The following C1orf21 variants were observed in gnomAD, a reference collection of about 807,000 sequenced individuals.
C1orf21 encodes the protein chromosome 1 open reading frame 21.
C1orf21 carries 3 observed loss-of-function variants against 18.7 expected under a neutral mutation model. The observed-to-expected ratio is 0.16, with a 90% CI of 0.07 to 0.42. The LOEUF is 0.42. C1orf21 is among the 10% of genes least tolerant of loss of function. C1orf21 has a pLI of 0.99. For missense variants in C1orf21, 104 were observed against 143.6 expected, an observed-to-expected ratio of 0.72 and a Z score of 1.41; for synonymous variants, 41 against 46.4, an observed-to-expected ratio of 0.88 and a Z score of 0.47.
At position 184,460,617 on chromosome 1, in the gene C1orf21, G is replaced by T. The variant is rs866726283; in HGVS notation, c.-124-16769G>T. On this transcript the variant is annotated intron_variant, in intron 1 of 5. Transcript: ENST00000235307. ...GAGTTGGGCTGTTAGTATTGTCGTC[G>T]TCGTCTTCTTCTTCTTCTTCTTCTT... Among the ~76,000 whole-genome samples, 264 of 116,494 alleles carry T rather than the reference G, an allele frequency of 2.3e-3. 1 individual carries two copies. Among genetic ancestry groups the T allele is most frequent in the African/African-American group, 8.8e-3 (246 of 27,898 alleles). 76.4% of individuals were successfully genotyped at this position (116,494 alleles called of 152,430 possible). A position where few individuals can be genotyped will look rare whatever the true frequency, so the allele number is the denominator to read the frequency against.
intron 3 of C1orf21, among the ~76,000 whole-genome samples, chr1:184,557,128 C>T (rs1477938336): frequency 6.6e-6 from 1 of 152,164 alleles, no homozygotes; most frequent in Admixed American, 6.5e-5. Flanking sequence ...GAATTTTCCA[C>T]GTATATGTCT....
intron 1 of C1orf21, among the ~76,000 whole-genome samples, chr1:184,457,914 A>G (rs1338180746): frequency 2.0e-5 from 3 of 152,184 alleles, no homozygotes; most frequent in Admixed American, 1.3e-4. Flanking sequence ...ATCTTCAATT[A>G]AGTTCCTACT....
chr1:184,461,783 G>A (rs192748233), intron 1 of C1orf21, among the ~76,000 whole-genome samples: 1 of 152,126 alleles, frequency 6.6e-6, no homozygotes, highest in Non-Finnish European at 1.5e-5. Flanking sequence ...TCCCTTTGAC[G>A]TACAAATAAA....
intron 5 of C1orf21, among the ~76,000 whole-genome samples, chr1:184,617,960 A>C (rs1174180402): frequency 7.4e-6 from 1 of 134,500 alleles, no homozygotes; most frequent in African/African-American, 2.9e-5. Flanking sequence ...CCCAGGCTGC[A>C]GTGCAATGGT....
At chr1:184,588,703 A>G (rs1659395443) in intron 3 of C1orf21, among the ~76,000 whole-genome samples, 1 of 152,232 alleles carries the variant, frequency 6.6e-6, no homozygotes. Context: ...AAGTGCTTAG[A>G]ATAATGCCTG....
At chr1:184,480,038 T>G (rs1285057212) in intron 2 of C1orf21, among the ~76,000 whole-genome samples, 1 of 152,180 alleles carries the variant, frequency 6.6e-6, no homozygotes, top group African/African-American at 2.4e-5. Flanking sequence ...CATCTAGGAC[T>G]TTGTAAGAAG....
At chr1:184,421,424 A>G (rs899990133) in intron 1 of C1orf21, among the ~76,000 whole-genome samples, 1 of 152,360 alleles carries the variant, frequency 6.6e-6, no homozygotes, top group Admixed American at 6.5e-5. Flanking sequence ...GAGGTGTTTC[A>G]TCAAACCAAA....
chr1:184,577,587 G>T (rs2101992863), intron 3 of C1orf21, among the ~76,000 whole-genome samples: 1 of 152,202 alleles, frequency 6.6e-6, no homozygotes, highest in Middle Eastern at 3.4e-3. Context: ...TTAATTTTTG[G>T]CTGGCTTCTA....
intron 3 of C1orf21, among the ~76,000 whole-genome samples, chr1:184,514,538 G>A (rs925840405): frequency 6.6e-6 from 1 of 152,092 alleles, no homozygotes; most frequent in Non-Finnish European, 1.5e-5. Flanking sequence ...AGGAAAATAG[G>A]TATTCAAATA....
intron 3 of C1orf21, among the ~76,000 whole-genome samples, chr1:184,556,575 A>G (rs1658883039): frequency 6.6e-6 from 1 of 152,160 alleles, no homozygotes; most frequent in Non-Finnish European, 1.5e-5. Flanking sequence ...ACTGCCCATT[A>G]TTTTTTCAGA....
chr1:184,532,141 T>C (rs1658471296), intron 3 of C1orf21, among the ~76,000 whole-genome samples: 1 of 152,086 alleles, frequency 6.6e-6, no homozygotes, highest in Non-Finnish European at 1.5e-5. Context: ...AATCTAGATC[T>C]GGCATGGCAT....
rs1416835030 is a variant in C1orf21 at position 184,622,853 on chromosome 1, G to A, written c.*3297G>A. ...CTGTAATGTGAGGAAGCACCTCTGT[G>A]TCAGGGCTCACCTGGGCATCCAAAG... On this transcript the variant is annotated 3_prime_UTR_variant, in exon 6 of 6. Transcript: ENST00000235307. 2 of 152,618 alleles carry A rather than the reference G, an allele frequency of 1.3e-5. No homozygotes were observed. The highest frequency in any genetic ancestry group is 1.9e-4 in the East Asian group (1 of 5,184). The allele number at this position is 152,618 out of a possible 1,614,324, so 9.5% of individuals were successfully genotyped here.
intron 1 of C1orf21, among the ~76,000 whole-genome samples, chr1:184,416,431 C>T (rs931473635): frequency 6.6e-6 from 1 of 151,754 alleles, no homozygotes; most frequent in African/African-American, 2.4e-5. Flanking sequence ...ATATATGTGC[C>T]TATGTGTGTC....
chr1:184,503,429 A>C (rs182770263), intron 2 of C1orf21, among the ~76,000 whole-genome samples: 1 of 152,156 alleles, frequency 6.6e-6, no homozygotes, highest in Admixed American at 6.5e-5. Context: ...AGTCAAGTAG[A>C]AGATGGGTTC....
At chr1:184,537,591 A>G (rs1471189218) in intron 3 of C1orf21, among the ~76,000 whole-genome samples, 5 of 152,162 alleles carry the variant, frequency 3.3e-5, no homozygotes, top group Non-Finnish European at 5.9e-5. Context: ...TATTGTGAAT[A>G]ATGCTGCTTT....
intron 3 of C1orf21, among the ~76,000 whole-genome samples, chr1:184,560,818 C>T (rs1041453484): frequency 6.6e-6 from 1 of 152,196 alleles, no homozygotes; most frequent in Non-Finnish European, 1.5e-5. Context: ...TAATTCTTCA[C>T]TTTACATTGA....
chr1:184,479,859 G>A (rs1657628778), intron 2 of C1orf21, among the ~76,000 whole-genome samples: 1 of 151,980 alleles, frequency 6.6e-6, no homozygotes, highest in Non-Finnish European at 1.5e-5. Context: ...CTGGACTCAA[G>A]CAATCTGCCC....
chr1:184,590,133 T>G (rs935760386), intron 3 of C1orf21, among the ~76,000 whole-genome samples: 3 of 152,196 alleles, frequency 2.0e-5, no homozygotes, highest in African/African-American at 7.2e-5. Context: ...CATTTTAAGA[T>G]TTGAGAGTAT....
Position 184,481,122 on chromosome 1 carries a change from G to A in C1orf21, c.94+3519G>A, listed in dbSNP as rs189018482. ...ATTGCATTTCTGAAGAGCTAGGTAG[G>A]AAATGGGAACAGAGGAAAAGAAGGA... On this transcript the variant is annotated intron_variant, in intron 2 of 5. Coordinates refer to ENST00000235307, the MANE Select transcript of C1orf21 (RefSeq NM_030806.4). Among the ~76,000 whole-genome samples, 3 of 152,204 alleles carry A rather than the reference G, an allele frequency of 2.0e-5. No homozygotes were observed. The East Asian group carries it at 5.8e-4, about 29-fold the overall frequency.
Sources: allele counts gnomAD v4.1 joint callset (sites outside exome capture counted in the v4.1 genomes callset), GRCh38; gene constraint gnomAD v4.1.1; transcripts MANE v1.5; gene names NCBI Gene and HGNC (gene_info 2026-07-23, HGNC 2026-07-21).